ELMO1: variants seen among roughly 807,000 people sequenced by gnomAD.
ELMO1 encodes engulfment and cell motility 1.
ELMO1 carries 26 observed loss-of-function variants against 98.9 expected under a neutral mutation model. That is an observed-to-expected ratio of 0.26 (90% confidence interval 0.19 to 0.36). ELMO1 has a LOEUF of 0.36. Among genes scored for constraint, ELMO1 ranks in the 10% least tolerant of loss-of-function variants. The pLI, the probability that ELMO1 is intolerant of heterozygous loss-of-function variation, is 1.00. For synonymous variants in ELMO1, 346 were observed against 346.0 expected, an observed-to-expected ratio of 1.00 and a Z score of 0.00; for missense variants, 627 against 935.2, an observed-to-expected ratio of 0.67 and a Z score of 4.30.
chr7:37,168,926 G>C (rs1191079398), intron 13 of ELMO1, among the ~76,000 whole-genome samples: 3 of 152,184 alleles, frequency 2.0e-5, no homozygotes, highest in African/African-American at 7.2e-5. Flanking sequence ...TTGTTTGTCT[G>C]TGCCCTGTCC....
chr7:37,052,409 T>G (rs1796155676), intron 15 of ELMO1, among the ~76,000 whole-genome samples: 1 of 152,204 alleles, frequency 6.6e-6, no homozygotes, highest in African/African-American at 2.4e-5. Flanking sequence ...TAAAAAACAT[T>G]TAAAAATTCC....
intron 16 of ELMO1, among the ~76,000 whole-genome samples, chr7:36,949,754 G>C (rs534009084): frequency 1.3e-5 from 2 of 151,668 alleles, no homozygotes; most frequent in South Asian, 4.2e-4. Flanking sequence ...AGAATGTTTA[G>C]CAGCATATCT....
chr7:36,958,750 C>T (rs542316924), intron 16 of ELMO1, among the ~76,000 whole-genome samples: 18 of 152,202 alleles, frequency 1.2e-4, no homozygotes, highest in Non-Finnish European at 1.9e-4. Context: ...GCATCACCTC[C>T]TCAGTCTCCC....
At chr7:36,984,533 T>C (rs1002373934) in intron 16 of ELMO1, among the ~76,000 whole-genome samples, 1 of 152,204 alleles carries the variant, frequency 6.6e-6, no homozygotes, top group Admixed American at 6.5e-5. Flanking sequence ...TAACCATTCA[T>C]CACAGGTCCC....
intron 13 of ELMO1, among the ~76,000 whole-genome samples, chr7:37,210,694 C>A (rs944901738): frequency 3.3e-5 from 5 of 151,664 alleles, no homozygotes; most frequent in African/African-American, 1.2e-4. Flanking sequence ...ATCACCGAAG[C>A]CAAAATCTCA....
intron 2 of ELMO1, among the ~76,000 whole-genome samples, chr7:37,336,574 C>A (rs1800425791): frequency 6.6e-6 from 1 of 152,002 alleles, no homozygotes; most frequent in African/African-American, 2.4e-5. Flanking sequence ...TGGAACTGAT[C>A]TAGAAAGAAG....
rs75673002 is a variant in ELMO1, at chr7:36,964,626, G to C, written c.1437+48673C>G. Among the ~76,000 whole-genome samples the C allele has an allele frequency of 1.6e-3, 243 of 152,180 alleles. 9 individuals carry two copies. In the East Asian group the frequency reaches 0.043, roughly 27 times the overall value. ...GGGCCTTCCTTTTTTTAACTAATTA[G>C]AATTATGTAAGGCATTCTTTTCTTT... On this transcript the variant is annotated intron_variant, in intron 16 of 21. Transcript: ENST00000310758.
intron 16 of ELMO1, among the ~76,000 whole-genome samples, chr7:36,915,474 C>T (rs1487226783): frequency 6.6e-6 from 1 of 152,196 alleles, no homozygotes; most frequent in African/African-American, 2.4e-5. Context: ...ATCTCCAAAG[C>T]TGTGATCACA....
intron 20 of ELMO1, among the ~76,000 whole-genome samples, chr7:36,869,786 G>A (rs1470243304): frequency 1.3e-5 from 2 of 152,218 alleles, no homozygotes; most frequent in Non-Finnish European, 2.9e-5. Flanking sequence ...ACTAGGAGGG[G>A]ATGGTGAAAG....
At chr7:37,176,588 AG>A (rs1308735745) in intron 13 of ELMO1, among the ~76,000 whole-genome samples, 1 of 152,242 alleles carries the variant, frequency 6.6e-6, no homozygotes, top group Non-Finnish European at 1.5e-5. Context: ...CAGCCATAAA[AG>A]TAATTGTGGT....
intron 1 of ELMO1, among the ~76,000 whole-genome samples, chr7:37,441,097 AC>A (rs1805398191): frequency 6.6e-6 from 1 of 151,618 alleles, no homozygotes; most frequent in South Asian, 2.1e-4. Flanking sequence ...CTGCCACTGA[AC>A]CCCACAGCAC....
intron 15 of ELMO1, among the ~76,000 whole-genome samples, chr7:37,030,961 A>C (rs181552621): frequency 6.6e-6 from 1 of 152,032 alleles, no homozygotes; most frequent in Admixed American, 6.6e-5. Flanking sequence ...ACAAAACATA[A>C]CTCCTATTCT....
At chr7:37,248,622 T>C (rs372255259) in intron 6 of ELMO1, among the ~76,000 whole-genome samples, 4 of 152,290 alleles carry the variant, frequency 2.6e-5, no homozygotes, top group South Asian at 4.1e-4. Flanking sequence ...GCAGAAAGCC[T>C]TGGGAAGATG....
intron 2 of ELMO1, among the ~76,000 whole-genome samples, chr7:37,326,328 G>A (rs1281994776): frequency 6.6e-6 from 1 of 152,142 alleles, no homozygotes; most frequent in Admixed American, 6.5e-5. Context: ...GCCAAGGCAG[G>A]CAGATCACCT....
intron 18 of ELMO1, among the ~76,000 whole-genome samples, chr7:36,880,335 A>G (rs1804347979): frequency 6.6e-6 from 1 of 152,242 alleles, no homozygotes; most frequent in African/African-American, 2.4e-5. Flanking sequence ...AGCCAAGCCA[A>G]TGTGTCACAA....
intron 14 of ELMO1, among the ~76,000 whole-genome samples, chr7:37,104,482 G>C (rs577954849): frequency 2.0e-5 from 3 of 152,218 alleles, no homozygotes; most frequent in Non-Finnish European, 4.4e-5. Context: ...AGACAATGAG[G>C]GGATTGAGGG....
At chr7:37,243,797 G>A (rs1794868613) in intron 7 of ELMO1, among the ~76,000 whole-genome samples, 2 of 152,128 alleles carry the variant, frequency 1.3e-5, no homozygotes, top group South Asian at 4.1e-4. Context: ...CCTGTTTAAT[G>A]GTTAAGAAAG....
intron 2 of ELMO1, among the ~76,000 whole-genome samples, chr7:37,337,908 T>A (rs1174959343): frequency 6.6e-6 from 1 of 152,202 alleles, no homozygotes; most frequent in Non-Finnish European, 1.5e-5. Flanking sequence ...CAGTGAATAT[T>A]CCATAGCACA....
chr7:37,248,708 A>G (rs1469081357), intron 6 of ELMO1, among the ~76,000 whole-genome samples: 3 of 152,236 alleles, frequency 2.0e-5, no homozygotes, highest in Non-Finnish European at 2.9e-5. Flanking sequence ...GTGGCCTCTG[A>G]GGAGGTAAAG....
Sources: allele counts gnomAD v4.1 joint callset (sites outside exome capture counted in the v4.1 genomes callset), GRCh38; gene constraint gnomAD v4.1.1; transcripts MANE v1.5; gene names NCBI Gene and HGNC (gene_info 2026-07-23, HGNC 2026-07-21).